Variants in KIAA1217 observed in about 807,000 individuals in gnomAD.
KIAA1217 encodes KIAA1217, also known as sickle tail protein homolog.
KIAA1217 carries 88 observed loss-of-function variants against 163.9 expected under a neutral mutation model. The ratio of observed to expected loss-of-function variants is 0.54; its 90% CI spans 0.45 to 0.64. The LOEUF is 0.64. Ranked by LOEUF, KIAA1217 falls within the 30% of genes least tolerant of loss-of-function variation. The probability of loss-of-function intolerance (pLI) is 0.00; values close to 1 mark genes in which losing one functional copy is unlikely to be tolerated. For missense variants in KIAA1217, 2,372 were observed against 2,475.0 expected (o/e 0.96, Z 0.88); for synonymous variants, 903 against 923.1 (o/e 0.98, Z 0.39).
At chr10:23,947,480 A>G (rs1483960201) in intron 1 of KIAA1217, among the ~76,000 whole-genome samples, 1 of 152,202 alleles carries the variant, frequency 6.6e-6, no homozygotes, top group Non-Finnish European at 1.5e-5. Context: ...CCGGTCCTAT[A>G]CATTTCATCT....
At chr10:24,118,173 C>A (rs116021658) in intron 2 of KIAA1217, among the ~76,000 whole-genome samples, 1,763 of 148,100 alleles carry the variant, frequency 0.012, 40 homozygotes, top group African/African-American at 0.041. Flanking sequence ...AAAAAAGAAA[C>A]GAAAGTCATG....
At chr10:24,331,617 T>C (rs985065032) in intron 2 of KIAA1217, among the ~76,000 whole-genome samples, 6 of 152,106 alleles carry the variant, frequency 3.9e-5, no homozygotes, top group Admixed American at 2.0e-4. Context: ...AATGCTGCAA[T>C]GAAGCGAAGA....
chr10:24,278,277 A>T (rs2077531177), intron 2 of KIAA1217, among the ~76,000 whole-genome samples: 1 of 152,182 alleles, frequency 6.6e-6, no homozygotes, highest in Non-Finnish European at 1.5e-5. Context: ...TTACTCTGTG[A>T]GGCCGGAAAC....
intron 1 of KIAA1217, among the ~76,000 whole-genome samples, chr10:23,788,688 C>T (rs996076467): frequency 3.3e-5 from 5 of 152,160 alleles, no homozygotes; most frequent in African/African-American, 1.2e-4. Flanking sequence ...TTGGAGACAG[C>T]AGCTTCCTGA....
At chr10:23,724,924 T>C (rs745764186) in intron 1 of KIAA1217, among the ~76,000 whole-genome samples, 1 of 152,220 alleles carries the variant, frequency 6.6e-6, no homozygotes, top group African/African-American at 2.4e-5. Context: ...ATCTGGTCCA[T>C]GACTCTGGCT....
At chr10:24,379,238 T>A (rs1056576113) in intron 2 of KIAA1217, among the ~76,000 whole-genome samples, 1 of 152,200 alleles carries the variant, frequency 6.6e-6, no homozygotes, top group Non-Finnish European at 1.5e-5. Context: ...CTTGGTGAAC[T>A]GGGCAGTGAT....
intron 2 of KIAA1217, among the ~76,000 whole-genome samples, chr10:24,201,522 G>A (rs1216082712): frequency 1.3e-5 from 2 of 152,062 alleles, no homozygotes; most frequent in Non-Finnish European, 2.9e-5. Flanking sequence ...AATGCACTTC[G>A]GCTTAGGGCA....
At chr10:23,993,553 C>CTTTTGTTTTTTTTTTTTTTTTTT (rs1846318686) in intron 1 of KIAA1217, among the ~76,000 whole-genome samples, 1 of 68,956 alleles carries the variant, frequency 1.5e-5, no homozygotes, top group Non-Finnish European at 2.4e-5. Context: ...CATAGCCCAG[C>CTTTTGTTTTTTTTTTTTTTTTTT]TTTTTTTTTT....
upstream of KIAA1217, among the ~76,000 whole-genome samples, chr10:24,208,562 G>T (rs2067699075): frequency 6.6e-6 from 1 of 152,054 alleles, no homozygotes; most frequent in Non-Finnish European, 1.5e-5. Flanking sequence ...GCCGGAAAGT[G>T]CTTACTTACA....
Position 24,545,865 on chromosome 10 carries a change from G to A in KIAA1217, c.5373G>A (p.Lys1791=), listed in dbSNP as rs1250421056. The change falls in exon 21 of 21, where the codon AAG becomes AAA. Residue 1791 remains lysine (K), a synonymous_variant. Transcript: ENST00000376454. The part of the protein sequence containing the change: ...GSAKKSGGDF[K]PTSPSLPASK... ...CTAAGAAATCTGGTGGGGACTTTAA[G>A]CCTACTTCCCCCTCCTTACCTGCTT... The A allele has an allele frequency of 6.2e-7, 1 of 1,610,052 alleles. No individual in the cohort carries two copies. Among genetic ancestry groups the A allele is most frequent in the East Asian group, 2.2e-5 (1 of 44,888 alleles).
intron 1 of KIAA1217, among the ~76,000 whole-genome samples, chr10:23,896,275 A>T (rs1022802550): frequency 6.6e-6 from 1 of 152,024 alleles, no homozygotes; most frequent in African/African-American, 2.4e-5. Flanking sequence ...AATTAAATTT[A>T]TATTGAATGC....
In KIAA1217 at chr10:24,494,639, C is replaced by A. The variant is rs759791468; in HGVS notation, c.1784+35C>A. ...AAGAAAGCCAATGAAAAAAATAATT[C>A]AATCTGTTTCTCTTTTAATCATTAA... On this transcript the variant is annotated intron_variant, in intron 7 of 20. Transcript: ENST00000376454. 1.1e-5 allele frequency: 15 copies of A among 1,324,682 alleles called. No individual in the cohort carries two copies. In the Admixed American group the frequency reaches 1.7e-4, roughly 15 times the overall value. 82.1% of individuals were successfully genotyped at this position (1,324,682 alleles called of 1,614,324 possible). A position where few individuals can be genotyped will look rare whatever the true frequency, so the allele number is the denominator to read the frequency against.
intron 1 of KIAA1217, among the ~76,000 whole-genome samples, chr10:23,980,365 G>C (rs141719730): frequency 1.3e-5 from 2 of 152,266 alleles, no homozygotes; most frequent in East Asian, 3.9e-4. Context: ...TCCTCAGAGC[G>C]AAAGCATCCA....
At chr10:23,895,294 A>G (rs1841626072) in intron 1 of KIAA1217, among the ~76,000 whole-genome samples, 1 of 152,198 alleles carries the variant, frequency 6.6e-6, no homozygotes, top group African/African-American at 2.4e-5. Flanking sequence ...CAAATTTACA[A>G]GAAAAAAACA....
intron 1 of KIAA1217, among the ~76,000 whole-genome samples, chr10:23,889,757 C>T (rs959816323): frequency 6.6e-6 from 1 of 151,738 alleles, no homozygotes; most frequent in African/African-American, 2.4e-5. Context: ...CAATGACCTA[C>T]GATAGAGTTG....
chr10:24,335,291 A>AG (rs1348029196), intron 2 of KIAA1217, among the ~76,000 whole-genome samples: 4 of 133,766 alleles, frequency 3.0e-5, no homozygotes, highest in African/African-American at 5.3e-5. Flanking sequence ...ATGGGCAAGG[A>AG]GGGTTTTTTT....
intron 1 of KIAA1217, among the ~76,000 whole-genome samples, chr10:24,213,474 A>C (rs1180687760): frequency 6.6e-6 from 1 of 152,158 alleles, no homozygotes; most frequent in African/African-American, 2.4e-5. Context: ...AGCCTCCTCT[A>C]AAACAGCCCC....
intron 2 of KIAA1217, among the ~76,000 whole-genome samples, chr10:24,286,361 C>G (rs1382024037): frequency 6.6e-6 from 1 of 151,872 alleles, no homozygotes; most frequent in African/African-American, 2.4e-5. Flanking sequence ...AAAGTTAGTT[C>G]AGAATAAAGT....
chr10:23,925,099 A>G (rs1164569492), intron 1 of KIAA1217, among the ~76,000 whole-genome samples: 1 of 152,150 alleles, frequency 6.6e-6, no homozygotes, highest in Admixed American at 6.6e-5. Flanking sequence ...TTACTTAGAA[A>G]TGTGGAAGAA....
Sources: allele counts gnomAD v4.1 joint callset (sites outside exome capture counted in the v4.1 genomes callset), GRCh38; gene constraint gnomAD v4.1.1; transcripts MANE v1.5; gene names NCBI Gene and HGNC (gene_info 2026-07-23, HGNC 2026-07-21).